TMTC4: variants seen among roughly 807,000 people sequenced by gnomAD.
TMTC4 encodes the protein protein O-mannosyl-transferase TMTC4.
Under a neutral mutation model 86.0 loss-of-function variants are expected in TMTC4, and 65 were observed. The ratio of observed to expected loss-of-function variants is 0.76; its 90% CI spans 0.62 to 0.93. TMTC4 has a LOEUF of 0.93. TMTC4 is among the 40% of genes least tolerant of loss of function. The pLI is 0.00. For missense variants in TMTC4, 866 were observed against 948.1 expected (o/e 0.91, Z 1.14); for synonymous variants, 379 against 382.5 (o/e 0.99, Z 0.11).
intron 6 of TMTC4, among the ~76,000 whole-genome samples, chr13:100,644,175 G>A (rs1309313976): frequency 1.3e-5 from 2 of 148,162 alleles, no homozygotes; most frequent in Non-Finnish European, 3.0e-5. Flanking sequence ...GCACGATCTC[G>A]GGTCACTGCA....
chr13:100,652,636 TGAAG>T (rs1884603909), intron 6 of TMTC4, among the ~76,000 whole-genome samples: 1 of 151,900 alleles, frequency 6.6e-6, no homozygotes, highest in South Asian at 2.1e-4. Flanking sequence ...TAATAGAAGA[TGAAG>T]GAAGTAAGTA....
chr13:100,631,015 A>G (rs964412686), intron 12 of TMTC4, among the ~76,000 whole-genome samples: 1 of 152,272 alleles, frequency 6.6e-6, no homozygotes, highest in African/African-American at 2.4e-5. Context: ...ATTGCAAAAC[A>G]AAACAAAACA....
chr13:100,609,676 TATATACACACACACAC>T (rs1186020388), intron 17 of TMTC4, among the ~76,000 whole-genome samples: 3 of 143,936 alleles, frequency 2.1e-5, no homozygotes, highest in Non-Finnish European at 4.5e-5. Context: ...TAAATGTATA[TATATACACACACACAC>T]ACACACACAC....
intron 2 of TMTC4, among the ~76,000 whole-genome samples, chr13:100,669,433 A>G (rs79335425): frequency 0.11 from 16,159 of 152,154 alleles, 952 homozygotes; most frequent in Non-Finnish European, 0.14. Flanking sequence ...GGTGGGGACA[A>G]TATCTTGTCC....
intron 1 of TMTC4, among the ~76,000 whole-genome samples, chr13:100,673,735 T>C (rs1219583723): frequency 6.6e-6 from 1 of 152,154 alleles, no homozygotes; most frequent in East Asian, 1.9e-4. Flanking sequence ...TATTCACAGT[T>C]CCACTGTCCC....
chr13:100,617,517 T>C lies in TMTC4; in HGVS notation c.1837-3087A>G, dbSNP rs532556631. 3.3e-5 allele frequency among the ~76,000 whole-genome samples: 5 copies of C among 152,296 alleles called. No individual in the cohort carries two copies. In the South Asian group the frequency reaches 6.2e-4, roughly 19 times the overall value. On this transcript the variant is annotated intron_variant, in intron 15 of 18. Transcript: ENST00000342624. ...GTTAATGTTTGTGTTTTGTGAAAGG[T>C]AGGGGTCCAGTTTCACTCTTTTGCG...
chr13:100,654,512 C>CTTTA (rs1230046764), intron 6 of TMTC4, among the ~76,000 whole-genome samples: 1 of 151,860 alleles, frequency 6.6e-6, no homozygotes, highest in African/African-American at 2.4e-5. Flanking sequence ...TTGCCAAAAG[C>CTTTA]TTTATTTAAA....
chr13:100,646,894 C>T (rs1394524812), intron 6 of TMTC4, among the ~76,000 whole-genome samples: 1 of 152,188 alleles, frequency 6.6e-6, no homozygotes, highest in Non-Finnish European at 1.5e-5. Flanking sequence ...TTTGCTAGCA[C>T]TCATCAGCAG....
At chr13:100,648,195 T>G (rs192042075) in intron 6 of TMTC4, among the ~76,000 whole-genome samples, 222 of 152,296 alleles carry the variant, frequency 1.5e-3, no homozygotes, top group African/African-American at 5.2e-3. Flanking sequence ...ATAAACCTAG[T>G]GAGCACTACA....
chr13:100,661,094 G>A (rs1885722212), intron 5 of TMTC4, among the ~76,000 whole-genome samples: 1 of 152,202 alleles, frequency 6.6e-6, no homozygotes. Context: ...TTATCCACAA[G>A]TATTTCTTCA....
chr13:100,632,047 ACACACACTCTCTCTCTCTCTCT>A (rs1227967866), intron 12 of TMTC4, among the ~76,000 whole-genome samples: 1 of 63,358 alleles, frequency 1.6e-5, no homozygotes, highest in Non-Finnish European at 3.9e-5. Context: ...ACACACACAC[ACACACACTCTCTCTCTCTCTCT>A]CTCTCTCTCT....
At chr13:100,626,471 A>G (rs1448933568) in intron 12 of TMTC4, among the ~76,000 whole-genome samples, 1 of 152,144 alleles carries the variant, frequency 6.6e-6, no homozygotes, top group African/African-American at 2.4e-5. Flanking sequence ...ATTTTTAGAG[A>G]TGGGGTCTTG....
intron 5 of TMTC4, among the ~76,000 whole-genome samples, chr13:100,657,061 T>G (rs920069361): frequency 6.6e-6 from 1 of 152,156 alleles, no homozygotes. Flanking sequence ...GACGGCGATA[T>G]GCACGTGCCA....
chr13:100,632,053 A>ACACACTCACTCTCTCTCTCTCTCTCT (rs1296569630), intron 12 of TMTC4, among the ~76,000 whole-genome samples: 1 of 43,110 alleles, frequency 2.3e-5, no homozygotes, highest in Admixed American at 2.4e-4. Flanking sequence ...ACACACACAC[A>ACACACTCACTCTCTCTCTCTCTCTCT]CTCTCTCTCT....
Position 100,670,398 on chromosome 13 carries a change from G to A in TMTC4, c.-36C>T, listed in dbSNP as rs1450254234. ...TGCTGTCCCCTTCCAGGGGCCAGAA[G>A]GAGGCTCAGATTTACAATCCAGAGA... On this transcript the variant is annotated 5_prime_UTR_variant, in exon 2 of 19. Coordinates refer to ENST00000342624, the MANE Select transcript of TMTC4 (RefSeq NM_032813.5). The A allele has an allele frequency of 6.3e-6, 10 of 1,599,226 alleles. No homozygotes were observed. The highest frequency in any genetic ancestry group is 3.3e-4 in the Middle Eastern group (2 of 6,004).
In TMTC4 at chr13:100,604,903, A is replaced by C; in HGVS notation, c.*91T>G. 1 of 1,412,622 alleles carries C rather than the reference A, an allele frequency of 7.1e-7. No homozygotes were observed. The highest frequency in any genetic ancestry group is 9.4e-7 in the Non-Finnish European group (1 of 1,067,598). The allele number at this position is 1,412,622 out of a possible 1,614,324, so 87.5% of individuals were successfully genotyped here. A position where few individuals can be genotyped will look rare whatever the true frequency, so the allele number is the denominator to read the frequency against. ...AAAAATCAGTAAAATAACATGTCTA[A>C]GACTTTTAAATGGTTAAATGTAACC... On this transcript the variant is annotated 3_prime_UTR_variant, in exon 19 of 19. Coordinates refer to ENST00000342624, the MANE Select transcript of TMTC4 (RefSeq NM_032813.5).
At chr13:100,648,926 TG>T (rs1278441012) in intron 6 of TMTC4, among the ~76,000 whole-genome samples, 1 of 152,132 alleles carries the variant, frequency 6.6e-6, no homozygotes, top group Non-Finnish European at 1.5e-5. Context: ...TGTGCTCAAG[TG>T]ATCCTCCCGC....
chr13:100,612,081 C>CCT, intron 17 of TMTC4, among the ~76,000 whole-genome samples: 1 of 152,336 alleles, frequency 6.6e-6, no homozygotes, highest in East Asian at 1.9e-4. Flanking sequence ...GAGTCCTCCT[C>CCT]CTGCACCAGC....
At chr13:100,650,805 G>T (rs560811574) in intron 6 of TMTC4, among the ~76,000 whole-genome samples, 3 of 152,194 alleles carry the variant, frequency 2.0e-5, no homozygotes, top group African/African-American at 7.2e-5. Flanking sequence ...AAAACCAAGC[G>T]TCCTATCGGA....
Sources: allele counts gnomAD v4.1 joint callset (sites outside exome capture counted in the v4.1 genomes callset), GRCh38; gene constraint gnomAD v4.1.1; transcripts MANE v1.5; gene names NCBI Gene and HGNC (gene_info 2026-07-23, HGNC 2026-07-21).